The following ABCC5 variants were observed in gnomAD, a reference collection of about 807,000 sequenced individuals.
ABCC5 encodes ATP-binding cassette sub-family C member 5.
A neutral mutation model predicts 160.9 loss-of-function variants in ABCC5; 61 were observed. The observed-to-expected ratio is 0.38, with a 90% confidence interval of 0.31 to 0.47. ABCC5 has a LOEUF of 0.47. ABCC5 is among the 20% of genes least tolerant of loss of function. The pLI is 0.99. For synonymous variants in ABCC5, 666 were observed against 700.6 expected, an observed-to-expected ratio of 0.95 and a Z score of 0.78; for missense variants, 1,308 against 1,813.3, an observed-to-expected ratio of 0.72 and a Z score of 5.06.
At chr3:183,933,362 G>A (rs897358187) in intron 26 of ABCC5, among the ~76,000 whole-genome samples, 2 of 152,034 alleles carry the variant, frequency 1.3e-5, no homozygotes, top group African/African-American at 4.8e-5. Flanking sequence ...ACAGCTCACT[G>A]TCAGCCTAGC....
intron 2 of ABCC5, among the ~76,000 whole-genome samples, chr3:183,989,644 T>C (rs1390002195): frequency 6.6e-6 from 1 of 151,738 alleles, no homozygotes; most frequent in Non-Finnish European, 1.5e-5. Flanking sequence ...AATCAGATAG[T>C]ACAGAATGCT....
intron 2 of ABCC5, among the ~76,000 whole-genome samples, chr3:184,005,761 C>T (rs1232017202): frequency 6.6e-6 from 1 of 151,808 alleles, no homozygotes; most frequent in Admixed American, 6.6e-5. Flanking sequence ...GTACATGTAC[C>T]CTAGAACTTA....
In ABCC5 at chr3:183,925,732, C is replaced by CA. The variant is rs1712472458; in HGVS notation, c.4048-14dup. 1.9e-6 allele frequency: 3 copies of CA among 1,609,074 alleles called. No individual in the cohort carries two copies. The highest frequency in any genetic ancestry group is 2.5e-6 in the Non-Finnish European group (3 of 1,178,500). On this transcript the variant is annotated splice_polypyrimidine_tract_variant and intron_variant, in intron 28 of 29. Transcript: ENST00000334444. ...CTAAAATCAGAATCTGCCAGAGAAG[C>CA]AGAGGAGAAAGAAACTCGATTAAAT...
chr3:184,005,644 G>A (rs746471783), intron 2 of ABCC5, among the ~76,000 whole-genome samples: 4 of 141,158 alleles, frequency 2.8e-5, no homozygotes, highest in Non-Finnish European at 3.1e-5. Context: ...TGAACAGGGA[G>A]GGGGGAGGGA....
chr3:183,926,962 T>C (rs918150797), intron 28 of ABCC5, among the ~76,000 whole-genome samples: 1 of 151,536 alleles, frequency 6.6e-6, no homozygotes, highest in Admixed American at 6.6e-5. Context: ...GGAGAATCAC[T>C]TGAACCTGGG....
At chr3:183,939,605 T>C (rs1560477119) in intron 25 of ABCC5, among the ~76,000 whole-genome samples, 1 of 152,208 alleles carries the variant, frequency 6.6e-6, no homozygotes, top group Admixed American at 6.5e-5. Flanking sequence ...TTATGTCCTA[T>C]TATCTTAGTG....
intron 17 of ABCC5, among the ~76,000 whole-genome samples, chr3:183,958,202 G>A (rs551323627): frequency 2.0e-5 from 3 of 152,358 alleles, no homozygotes; most frequent in Non-Finnish European, 4.4e-5. Flanking sequence ...GCTTATCCGT[G>A]TGTATATTAC....
At chr3:183,989,473 C>G (rs1212466306) in intron 2 of ABCC5, 90 bp from the exon 3 acceptor site, 14 of 1,373,064 alleles carry the variant, frequency 1.0e-5, no homozygotes, top group Non-Finnish European at 1.4e-5. Flanking sequence ...AAACTGCAAA[C>G]TGGACTCATC....
At chr3:183,928,488 A>G (rs1015843085) in intron 27 of ABCC5, among the ~76,000 whole-genome samples, 4 of 152,236 alleles carry the variant, frequency 2.6e-5, no homozygotes, top group African/African-American at 9.6e-5. Context: ...TAAAAGCATC[A>G]CTTAATTCTA....
At chr3:183,926,266 T>C (rs1366447829) in intron 28 of ABCC5, among the ~76,000 whole-genome samples, 1 of 151,252 alleles carries the variant, frequency 6.6e-6, no homozygotes, top group African/African-American at 2.4e-5. Flanking sequence ...AAAATACTGA[T>C]CTAGGCTGAG....
chr3:183,944,764 G>A (rs1368962788), intron 24 of ABCC5, among the ~76,000 whole-genome samples: 1 of 152,046 alleles, frequency 6.6e-6, no homozygotes, highest in Non-Finnish European at 1.5e-5. Context: ...ATCAGCTATC[G>A]TTAGTATTAT....
At chr3:183,944,421 TA>T (rs1182787154) in intron 24 of ABCC5, among the ~76,000 whole-genome samples, 1 of 151,302 alleles carries the variant, frequency 6.6e-6, no homozygotes, top group Non-Finnish European at 1.5e-5. Flanking sequence ...AAAAATAAAT[TA>T]AAAAAGGAAA....
chr3:183,975,080 A>T (rs1221183206), intron 10 of ABCC5, among the ~76,000 whole-genome samples: 1 of 152,230 alleles, frequency 6.6e-6, no homozygotes, highest in Non-Finnish European at 1.5e-5. Flanking sequence ...TCCATCTTCT[A>T]AAAATGATGA....
intron 17 of ABCC5, among the ~76,000 whole-genome samples, chr3:183,955,745 TC>T (rs2108803680): frequency 7.0e-6 from 1 of 142,324 alleles, no homozygotes; most frequent in South Asian, 2.2e-4. Context: ...CATGTGTAAA[TC>T]ACATCAGTTA....
At chr3:183,947,179 C>T (rs1226255244) in intron 23 of ABCC5, 145 bp downstream of exon 23, 15 of 842,160 alleles carry the variant, frequency 1.8e-5, no homozygotes, top group African/African-American at 8.7e-5. Context: ...CAGATTGTTA[C>T]GGTCAAATCA....
intron 29 of ABCC5, among the ~76,000 whole-genome samples, chr3:183,923,015 C>T (rs185951055): frequency 3.0e-4 from 45 of 152,268 alleles, no homozygotes; most frequent in Admixed American, 2.5e-3. Flanking sequence ...TTTGTGTCTG[C>T]GGCAGAGAGC....
Position 183,988,922 on chromosome 3 carries a change from T to C in ABCC5, c.288-195A>G, listed in dbSNP as rs1459566492. Among the ~76,000 whole-genome samples the C allele has an allele frequency of 1.3e-5, 2 of 151,940 alleles. No homozygotes were observed. Among genetic ancestry groups the C allele is most frequent in the South Asian group, 2.1e-4 (1 of 4,818 alleles). ...GGCTCACACCTGTAATCCCAGCACTTTGGGAGGCCGAGGCGGGCAGATCAT... is the reference window on the plus strand; with the variant it reads ...GGCTCACACCTGTAATCCCAGCACTCTGGGAGGCCGAGGCGGGCAGATCAT... On this transcript the variant is annotated intron_variant, in intron 3 of 29. Transcript: ENST00000334444. This position sits in a 1 kb window ranked among gnomAD's most constrained non-coding sequence, Gnocchi z 4.4.
chr3:183,987,967 C>G lies in ABCC5; in HGVS notation c.444-50G>C, dbSNP rs1719379777. ...TACACATCTCCTCGGGGGAAAGGCACACCTAGCTCCCCGCCTGCCACCACT... is the reference window on the plus strand; with the variant it reads ...TACACATCTCCTCGGGGGAAAGGCAGACCTAGCTCCCCGCCTGCCACCACT... On this transcript the variant is annotated intron_variant, in intron 4 of 29. Coordinates refer to ENST00000334444, the MANE Select transcript of ABCC5 (RefSeq NM_005688.4). The surrounding 1 kb of genome is among the most constrained non-coding windows in gnomAD (Gnocchi z 4.2). 6.3e-7 allele frequency: 1 copy of G among 1,591,614 alleles called. No individual in the cohort carries two copies. Among genetic ancestry groups the G allele is most frequent in the South Asian group, 1.1e-5 (1 of 89,468 alleles).
intron 14 of ABCC5, among the ~76,000 whole-genome samples, chr3:183,964,437 TCAGAATTACCTG>T (rs1252958142): frequency 1.4e-4 from 21 of 152,256 alleles, no homozygotes; most frequent in African/African-American, 5.1e-4. Context: ...GGAAGTTGCA[TCAGAATTACCTG>T]CAGGGTTTGT....
Sources: gnomAD v4.1 joint callset for allele counts (sites outside exome capture counted in the v4.1 genomes callset) on GRCh38, gnomAD v4.1.1 for gene constraint, Gnocchi (gnomAD v3.1) non-coding constraint, MANE v1.5 for transcripts, NCBI Gene and HGNC (gene_info 2026-07-23, HGNC 2026-07-21) for gene names.